Variants in NCKAP5 observed in about 807,000 individuals in gnomAD.
NCKAP5 encodes the protein NCK associated protein 5.
NCKAP5 carries 92 observed loss-of-function variants against 167.0 expected under a neutral mutation model. That is an observed-to-expected ratio of 0.55 (90% CI 0.47 to 0.66). NCKAP5 has a LOEUF of 0.66. Among genes scored for constraint, NCKAP5 ranks in the 30% least tolerant of loss-of-function variants. The pLI is 0.00. For synonymous variants in NCKAP5, 891 were observed against 877.4 expected, an observed-to-expected ratio of 1.02 and a Z score of -0.27; for missense variants, 2,378 against 2,315.0, an observed-to-expected ratio of 1.03 and a Z score of -0.56.
At chr2:133,618,480 A>G in the NCKAP5 span, among the ~76,000 whole-genome samples, 1 of 149,704 alleles carries the variant, frequency 6.7e-6, no homozygotes, top group Non-Finnish European at 1.5e-5. Flanking sequence ...CAACCCCATC[A>G]AAAAGTGGGC....
chr2:132,765,774 A>T (rs1681418435), intron 16 of NCKAP5, among the ~76,000 whole-genome samples: 1 of 152,122 alleles, frequency 6.6e-6, no homozygotes, highest in South Asian at 2.1e-4. Flanking sequence ...TTTGCTGGAC[A>T]TATGGCTACC....
At chr2:133,479,366 G>T (rs1427549395) in intron 3 of NCKAP5, among the ~76,000 whole-genome samples, 1 of 152,154 alleles carries the variant, frequency 6.6e-6, no homozygotes, top group Non-Finnish European at 1.5e-5. Flanking sequence ...AGTAACCAAG[G>T]TTGCTTGCCC....
At chr2:133,674,521 TC>T in the NCKAP5 span, among the ~76,000 whole-genome samples, 16,089 of 152,088 alleles carry the variant, frequency 0.11, 991 homozygotes, top group Non-Finnish European at 0.13. Context: ...GTGAGTGTGA[TC>T]CCTTCATGTC....
chr2:132,922,328 C>T (rs1206248917), intron 8 of NCKAP5, among the ~76,000 whole-genome samples: 2 of 152,188 alleles, frequency 1.3e-5, no homozygotes, highest in East Asian at 3.9e-4. Context: ...AGAGAAGAGT[C>T]ACTTGGAGAA....
rs746827840 is a variant in NCKAP5, at chr2:132,782,543, T to C, written c.4268A>G (p.Glu1423Gly). Reference protein sequence around the residue: ...SCPPTPTDCPEALQSPGRTQH... With the variant: ...SCPPTPTDCPGALQSPGRTQH... ...AGTCCTCCCTGGGCTCTGCAGGGCT[T>C]CAGGGCAGTCTGTTGGGGTGGGTGG... Residue 1423 changes from glutamate (E) to glycine (G), a missense_variant, in exon 14 of 20, where the codon GAA (glutamate) becomes GGA (glycine). Glu to Gly is a moderately conservative substitution (Grantham distance 98). This residue lies in a region of NCKAP5 where 1,325 missense variants were observed against 1,274.5 expected (regional missense o/e 1.04). Coordinates refer to ENST00000409261, the MANE Select transcript of NCKAP5 (RefSeq NM_207363.3). 26 of 1,591,880 alleles carry C rather than the reference T, an allele frequency of 1.6e-5. No individual in the cohort carries two copies. Among genetic ancestry groups the C allele is most frequent in the Non-Finnish European group, 2.1e-5 (25 of 1,169,518 alleles).
intron 3 of NCKAP5, among the ~76,000 whole-genome samples, chr2:133,377,847 G>A (rs187614627): frequency 1.8e-4 from 28 of 152,284 alleles, no homozygotes; most frequent in Non-Finnish European, 3.4e-4. Flanking sequence ...AGCCATCTGA[G>A]GGCTAAGCCC....
chr2:133,236,070 CAAAA>C (rs527705526), intron 4 of NCKAP5, among the ~76,000 whole-genome samples: 44 of 15,650 alleles, frequency 2.8e-3, no homozygotes, highest in African/African-American at 5.1e-3. Flanking sequence ...TGTCTCAGAC[CAAAA>C]AAAAAAAAAA....
At chr2:132,971,886 G>A (rs530091230) in intron 7 of NCKAP5, among the ~76,000 whole-genome samples, 3 of 152,292 alleles carry the variant, frequency 2.0e-5, no homozygotes, top group African/African-American at 7.2e-5. Context: ...TGGGAGTGGG[G>A]ACAGGAATCT....
intron 3 of NCKAP5, among the ~76,000 whole-genome samples, chr2:133,375,570 T>C (rs1686087599): frequency 6.6e-6 from 1 of 152,206 alleles, no homozygotes; most frequent in Admixed American, 6.5e-5. Flanking sequence ...ATTAGTTATT[T>C]TTCCTGATCC....
At chr2:132,989,675 G>T (rs1200351665) in intron 7 of NCKAP5, among the ~76,000 whole-genome samples, 1 of 152,108 alleles carries the variant, frequency 6.6e-6, no homozygotes, top group Non-Finnish European at 1.5e-5. Flanking sequence ...AAAATATTGA[G>T]ACAGTGACTT....
At position 132,783,634 on chromosome 2, in the gene NCKAP5, C is replaced by T; in HGVS notation, c.3177G>A (p.Arg1059=). The part of the protein sequence containing the change: ...SPRQTLGTPQ[R]DIGLQTPRIS... ...TCCTGGGAGTCTGTAATCCTATGTC[C>T]CTTTGTGGGGTCCCAAGTGTTTGGC... The change falls in exon 14 of 20, where the codon AGG becomes AGA. Residue 1059 remains arginine, a synonymous_variant. Coordinates refer to ENST00000409261, the MANE Select transcript of NCKAP5 (RefSeq NM_207363.3). The T allele has an allele frequency of 1.2e-6, 2 of 1,613,862 alleles. No individual in the cohort carries two copies. Among genetic ancestry groups the T allele is most frequent in the Non-Finnish European group, 1.7e-6 (2 of 1,179,888 alleles).
At chr2:133,102,898 T>G (rs1559140985) in intron 6 of NCKAP5, among the ~76,000 whole-genome samples, 1 of 152,086 alleles carries the variant, frequency 6.6e-6, no homozygotes. Context: ...TCAAGTCCCG[T>G]GAATGCAAGA....
chr2:133,305,661 G>A (rs568388791), intron 3 of NCKAP5, among the ~76,000 whole-genome samples: 18 of 152,282 alleles, frequency 1.2e-4, no homozygotes, highest in Non-Finnish European at 2.4e-4. Flanking sequence ...GAATGTAGTT[G>A]TCACTGGCTT....
intron 16 of NCKAP5, among the ~76,000 whole-genome samples, chr2:132,762,542 AACTT>A (rs1051181382): frequency 3.4e-4 from 52 of 152,196 alleles, no homozygotes; most frequent in African/African-American, 1.3e-3. Context: ...GAAAGGGCAA[AACTT>A]ACTTAATATG....
chr2:132,688,620 G>T (rs973160762), intron 19 of NCKAP5, among the ~76,000 whole-genome samples: 2 of 152,072 alleles, frequency 1.3e-5, no homozygotes, highest in African/African-American at 2.4e-5. Flanking sequence ...GCGGGGTTGG[G>T]CAGCAGCAGA....
At chr2:133,558,489 A>G (rs926056472) in intron 2 of NCKAP5, among the ~76,000 whole-genome samples, 2 of 151,994 alleles carry the variant, frequency 1.3e-5, no homozygotes, top group Non-Finnish European at 1.5e-5. Context: ...GCCAGGGAAG[A>G]TGGTCCAGGA....
intron 5 of NCKAP5, among the ~76,000 whole-genome samples, chr2:133,192,634 T>C (rs1377948494): frequency 2.0e-5 from 3 of 151,516 alleles, no homozygotes; most frequent in Non-Finnish European, 4.4e-5. Flanking sequence ...AAATGACAAA[T>C]AAGCACATAA....
intron 2 of NCKAP5, among the ~76,000 whole-genome samples, chr2:133,529,016 T>C (rs973285653): frequency 6.6e-6 from 1 of 152,136 alleles, no homozygotes; most frequent in Non-Finnish European, 1.5e-5. Flanking sequence ...TTTCTCTTAC[T>C]CAAGGAAAAA....
chr2:132,982,610 T>C (rs2077173322), intron 7 of NCKAP5, among the ~76,000 whole-genome samples: 1 of 152,204 alleles, frequency 6.6e-6, no homozygotes, highest in Non-Finnish European at 1.5e-5. Flanking sequence ...ACTGATCCCA[T>C]CACCTAGGTA....
Sources: allele counts gnomAD v4.1 joint callset (sites outside exome capture counted in the v4.1 genomes callset), GRCh38; gene constraint gnomAD v4.1.1; regional missense constraint gnomAD v4.1.1; transcripts MANE v1.5; gene names NCBI Gene and HGNC (gene_info 2026-07-23, HGNC 2026-07-21).